MPPED2: variants seen among roughly 807,000 people sequenced by gnomAD.
The protein encoded by MPPED2 is metallophosphoesterase domain containing 2.
MPPED2 carries 5 observed loss-of-function variants against 33.0 expected under a neutral mutation model. That is an observed-to-expected ratio of 0.15 (90% confidence interval 0.08 to 0.32). MPPED2 has a LOEUF of 0.32. Ranked by LOEUF, MPPED2 falls within the 10% of genes least tolerant of loss-of-function variation. MPPED2 has a pLI of 1.00. For missense variants in MPPED2, 275 were observed against 372.1 expected (o/e 0.74, Z 2.15); for synonymous variants, 136 against 141.9 (o/e 0.96, Z 0.29).
chr11:30,476,214 C>CT (rs1951189512), intron 4 of MPPED2, among the ~76,000 whole-genome samples: 1 of 151,766 alleles, frequency 6.6e-6, no homozygotes, highest in South Asian at 2.1e-4. Flanking sequence ...GACTATGGAC[C>CT]ACATTTTGAT....
rs191744274 is a variant in MPPED2, at chr11:30,511,632, C to A, written c.311-16111G>T. Among the ~76,000 whole-genome samples, 535 of 152,062 alleles carry A rather than the reference C, an allele frequency of 3.5e-3. 1 individual carries two copies. The highest frequency in any genetic ancestry group is 9.9e-3 in the African/African-American group (409 of 41,508). ...CATGCACACCACATGTGCACGTGCA[C>A]ACACACACACACCCCAGAGATGTTT... On this transcript the variant is annotated intron_variant, in intron 3 of 6. Coordinates refer to ENST00000358117, the MANE Select transcript of MPPED2 (RefSeq NM_001584.3).
chr11:30,547,123 C>G (rs1194517417), intron 2 of MPPED2, among the ~76,000 whole-genome samples: 1 of 152,140 alleles, frequency 6.6e-6, no homozygotes, highest in Non-Finnish European at 1.5e-5. Context: ...CCAAGATTGC[C>G]CAGCTAGTAC....
chr11:30,415,900 C>G (rs1305109018), intron 5 of MPPED2, among the ~76,000 whole-genome samples: 1 of 152,200 alleles, frequency 6.6e-6, no homozygotes, highest in African/African-American at 2.4e-5. Context: ...GTCCAAGTCC[C>G]TTGAAATAAA....
At chr11:30,444,445 A>G (rs921995437) in intron 4 of MPPED2, among the ~76,000 whole-genome samples, 1 of 143,970 alleles carries the variant, frequency 6.9e-6, no homozygotes, top group African/African-American at 2.7e-5. Context: ...ACAGAACATC[A>G]TTCTATTTTT....
chr11:30,475,474 A>C (rs1480933142), intron 4 of MPPED2, among the ~76,000 whole-genome samples: 1 of 152,110 alleles, frequency 6.6e-6, no homozygotes, highest in African/African-American at 2.4e-5. Context: ...CCCCAGTCCA[A>C]GCGACCATTG....
intron 1 of MPPED2, among the ~76,000 whole-genome samples, chr11:30,580,918 A>G (rs1163795391): frequency 6.6e-6 from 1 of 152,226 alleles, no homozygotes; most frequent in Admixed American, 6.5e-5. Context: ...CTCCATGTTT[A>G]AAGCAGCTAT....
chr11:30,401,545 A>G (rs1254166066), intron 6 of MPPED2, among the ~76,000 whole-genome samples: 1 of 152,220 alleles, frequency 6.6e-6, no homozygotes. Flanking sequence ...ATAGGGCTAA[A>G]ACCGAATATT....
chr11:30,422,488 G>C (rs1468346805), intron 4 of MPPED2, among the ~76,000 whole-genome samples: 1 of 152,160 alleles, frequency 6.6e-6, no homozygotes, highest in Non-Finnish European at 1.5e-5. Context: ...GCAGAACACT[G>C]AATGTGTCAG....
At chr11:30,542,388 T>G (rs1212344004) in intron 2 of MPPED2, among the ~76,000 whole-genome samples, 1 of 136,524 alleles carries the variant, frequency 7.3e-6, no homozygotes. Flanking sequence ...CTAAGGTGGG[T>G]GGATTGCTTG....
intron 3 of MPPED2, among the ~76,000 whole-genome samples, chr11:30,503,608 A>C (rs1471638516): frequency 6.6e-6 from 1 of 152,188 alleles, no homozygotes; most frequent in African/African-American, 2.4e-5. Context: ...ATTCAGCAGT[A>C]GTTCTTTGTG....
At chr11:30,494,466 G>A (rs1333923513) in intron 4 of MPPED2, among the ~76,000 whole-genome samples, 1 of 151,946 alleles carries the variant, frequency 6.6e-6, no homozygotes, top group Non-Finnish European at 1.5e-5. Context: ...GGCCAGGAGC[G>A]GTGGCTTATA....
intron 2 of MPPED2, among the ~76,000 whole-genome samples, chr11:30,564,462 C>T (rs1565188375): frequency 6.6e-6 from 1 of 152,154 alleles, no homozygotes; most frequent in Non-Finnish European, 1.5e-5. Context: ...GAGAAAAGTA[C>T]TATTTGCTTC....
chr11:30,547,447 G>A (rs959889323), intron 2 of MPPED2, among the ~76,000 whole-genome samples: 7 of 152,170 alleles, frequency 4.6e-5, no homozygotes, highest in African/African-American at 1.7e-4. Flanking sequence ...CAAAATCTCT[G>A]TGTGATGTTT....
intron 4 of MPPED2, among the ~76,000 whole-genome samples, chr11:30,478,950 GAAC>G (rs1408369139): frequency 1.3e-5 from 2 of 152,064 alleles, no homozygotes; most frequent in East Asian, 1.9e-4. Flanking sequence ...TAGAAGAAAG[GAAC>G]AACAAGAAAA....
intron 4 of MPPED2, among the ~76,000 whole-genome samples, chr11:30,468,288 T>G (rs928835218): frequency 4.6e-5 from 7 of 151,074 alleles, no homozygotes; most frequent in African/African-American, 1.7e-4. Context: ...TCTTTCAATA[T>G]GCATGCAATA....
chr11:30,569,856 C>G (rs1224816362), intron 2 of MPPED2, among the ~76,000 whole-genome samples: 1 of 152,130 alleles, frequency 6.6e-6, no homozygotes, highest in Admixed American at 6.5e-5. Flanking sequence ...GCAATTTTGT[C>G]TCATCTCCCT....
At chr11:30,498,934 TAA>T (rs2134230896) in intron 3 of MPPED2, among the ~76,000 whole-genome samples, 1 of 152,276 alleles carries the variant, frequency 6.6e-6, no homozygotes, top group South Asian at 2.1e-4. Context: ...AGTGAGACCA[TAA>T]AAGAGGCAGT....
intron 4 of MPPED2, among the ~76,000 whole-genome samples, chr11:30,418,932 G>A (rs528510664): frequency 6.6e-6 from 1 of 152,292 alleles, no homozygotes; most frequent in Admixed American, 6.5e-5. Context: ...TGGCATACGT[G>A]CAAACCTCAG....
intron 6 of MPPED2, among the ~76,000 whole-genome samples, chr11:30,393,150 A>G (rs1947800753): frequency 6.6e-6 from 1 of 152,114 alleles, no homozygotes; most frequent in Admixed American, 6.6e-5. Flanking sequence ...TGTGGGTCAG[A>G]GTCTTGCCTC....
Sources: gnomAD v4.1 joint callset for allele counts (sites outside exome capture counted in the v4.1 genomes callset) on GRCh38, gnomAD v4.1.1 for gene constraint, MANE v1.5 for transcripts, NCBI Gene and HGNC (gene_info 2026-07-23, HGNC 2026-07-21) for gene names.